Variants in CD226 observed in about 807,000 individuals in gnomAD.
CD226 encodes CD226 molecule.
In CD226, 24 loss-of-function variants were observed where a neutral mutation model predicts 34.9. The observed-to-expected ratio is 0.69, with a 90% confidence interval of 0.50 to 0.97. CD226 has a LOEUF of 0.97. Ranked by LOEUF, CD226 falls within the 50% of genes least tolerant of loss-of-function variation. The probability of loss-of-function intolerance (pLI) is 0.00; values close to 1 mark genes in which losing one functional copy is unlikely to be tolerated. For missense variants in CD226, 397 were observed against 412.7 expected, an observed-to-expected ratio of 0.96 and a Z score of 0.33; for synonymous variants, 148 against 147.4, an observed-to-expected ratio of 1.00 and a Z score of -0.03.
chr18:69,905,266 T>G (rs567654980), intron 2 of CD226, among the ~76,000 whole-genome samples: 1 of 151,590 alleles, frequency 6.6e-6, no homozygotes, highest in South Asian at 2.1e-4. Context: ...CTAGATAGCT[T>G]ATTTTCTGAT....
chr18:69,944,809 A>T (rs868401686), intron 2 of CD226, among the ~76,000 whole-genome samples: 17 of 152,380 alleles, frequency 1.1e-4, no homozygotes, highest in Middle Eastern at 3.4e-3. Context: ...ACAGCAAATG[A>T]GGACTTGTAT....
chr18:69,870,523 C>T (rs1983457359), intron 4 of CD226, among the ~76,000 whole-genome samples: 1 of 152,104 alleles, frequency 6.6e-6, no homozygotes, highest in Non-Finnish European at 1.5e-5. Context: ...GATCCACCCA[C>T]CTCATCCTCC....
intron 2 of CD226, among the ~76,000 whole-genome samples, chr18:69,908,907 T>C (rs1568186676): frequency 6.6e-6 from 1 of 152,260 alleles, no homozygotes; most frequent in Non-Finnish European, 1.5e-5. Flanking sequence ...TTCCACTTCA[T>C]TCCAAGAACA....
intron 2 of CD226, among the ~76,000 whole-genome samples, chr18:69,936,066 A>C (rs2055648913): frequency 6.6e-6 from 1 of 152,202 alleles, no homozygotes; most frequent in Admixed American, 6.5e-5. Context: ...GGAGGTAGAG[A>C]GAAACCCAGG....
upstream of CD226, among the ~76,000 whole-genome samples, chr18:69,951,143 AT>A (rs1264939896): frequency 1.0e-4 from 15 of 148,888 alleles, no homozygotes; most frequent in Non-Finnish European, 1.5e-4. Flanking sequence ...TTTTAAAATT[AT>A]TTTTTTTTTG....
In CD226 at chr18:69,884,420, C is replaced by T. The variant is rs138741807; in HGVS notation, c.728-11174G>A. On this transcript the variant is annotated intron_variant, in intron 3 of 5. Transcript: ENST00000582621. ...GCCCCAGTCTGCCAGTGGATTTCTCCTCCCTCCTTTCTTAGGGTATTGACT... is the reference window on the plus strand; with the variant it reads ...GCCCCAGTCTGCCAGTGGATTTCTCTTCCCTCCTTTCTTAGGGTATTGACT... Among the ~76,000 whole-genome samples, 43 of 152,322 alleles carry T rather than the reference C, an allele frequency of 2.8e-4. No homozygotes were observed. The East Asian group carries it at 7.7e-3, about 27-fold the overall frequency.
At chr18:69,946,268 G>GAAAGAAAGAAAGAGAA (rs2055791353) in intron 2 of CD226, among the ~76,000 whole-genome samples, 1 of 144,636 alleles carries the variant, frequency 6.9e-6, no homozygotes, top group Non-Finnish European at 1.5e-5. Context: ...GAGAGAGAGA[G>GAAAGAAAGAAAGAGAA]AAAGAAAGAA....
intron 1 of CD226, among the ~76,000 whole-genome samples, chr18:69,952,903 G>C (rs2145382008): frequency 6.6e-6 from 1 of 152,152 alleles, no homozygotes; most frequent in Non-Finnish European, 1.5e-5. Flanking sequence ...TAACATAAAA[G>C]AAACAACCCA....
intron 2 of CD226, among the ~76,000 whole-genome samples, chr18:69,924,543 A>C (rs1599013646): frequency 6.6e-6 from 1 of 150,726 alleles, no homozygotes; most frequent in East Asian, 1.9e-4. Flanking sequence ...AGAAACCCCT[A>C]GACTTACAAA....
chr18:69,941,950 C>T (rs1166631083), intron 2 of CD226, among the ~76,000 whole-genome samples: 1 of 152,150 alleles, frequency 6.6e-6, no homozygotes, highest in Non-Finnish European at 1.5e-5. Flanking sequence ...GGGCCAGTCA[C>T]CTTCATGCTG....
intron 2 of CD226, among the ~76,000 whole-genome samples, chr18:69,900,687 G>A (rs762318373): frequency 3.4e-5 from 5 of 145,704 alleles, no homozygotes; most frequent in Non-Finnish European, 4.5e-5. Context: ...AGCCGAGATT[G>A]CGCCACTGCA....
At chr18:69,924,034 TG>T (rs2055489704) in intron 2 of CD226, among the ~76,000 whole-genome samples, 1 of 151,580 alleles carries the variant, frequency 6.6e-6, no homozygotes, top group Admixed American at 6.6e-5. Context: ...TTATCGAGGA[TG>T]GCTTCCACAA....
At chr18:69,952,937 G>C (rs1207474523) in intron 1 of CD226, among the ~76,000 whole-genome samples, 1 of 152,172 alleles carries the variant, frequency 6.6e-6, no homozygotes, top group African/African-American at 2.4e-5. Flanking sequence ...CAAAGTACTT[G>C]AATAGACATT....
At chr18:69,900,547 A>G (rs1307230045) in intron 2 of CD226, among the ~76,000 whole-genome samples, 1 of 151,550 alleles carries the variant, frequency 6.6e-6, no homozygotes, top group African/African-American at 2.4e-5. Context: ...CCTGGCTAAC[A>G]AGGTGAAACC....
At chr18:69,934,279 TACACACACACAC>T (rs760259895) in intron 2 of CD226, among the ~76,000 whole-genome samples, 3 of 73,102 alleles carry the variant, frequency 4.1e-5, no homozygotes, top group South Asian at 6.3e-4. Context: ...ACACAGAGGA[TACACACACACAC>T]ACACACACAC....
At position 69,858,823 on chromosome 18, in the gene CD226, G is replaced by A. The variant is rs180818623; in HGVS notation, c.*5491C>T. ...TGGCTCACTGCAACCTCTGCCTCCC[G>A]GGTTCAAGCGATTCTTCTGCCTCAG... On this transcript the variant is annotated 3_prime_UTR_variant, in exon 6 of 6. Coordinates refer to ENST00000582621, the MANE Select transcript of CD226 (RefSeq NM_001303618.2). 1.2e-4 allele frequency: 17 copies of A among 136,198 alleles called. No individual in the cohort carries two copies. The East Asian group carries it at 2.6e-3, about 21-fold the overall frequency. The allele number at this position is 136,198 out of a possible 1,614,324, so 8.4% of individuals were successfully genotyped here.
At chr18:69,865,950 A>G (rs945081942) in intron 5 of CD226, among the ~76,000 whole-genome samples, 1 of 152,196 alleles carries the variant, frequency 6.6e-6, no homozygotes, top group African/African-American at 2.4e-5. Context: ...CTTAAACCAC[A>G]AACACTTATT....
chr18:69,929,256 G>A (rs1568198356), intron 2 of CD226, among the ~76,000 whole-genome samples: 1 of 152,182 alleles, frequency 6.6e-6, no homozygotes, highest in Non-Finnish European at 1.5e-5. Context: ...AATGAAATGG[G>A]TGTTACAGGC....
chr18:69,890,090 G>A (rs960081525), intron 3 of CD226, among the ~76,000 whole-genome samples: 2 of 151,890 alleles, frequency 1.3e-5, no homozygotes, highest in African/African-American at 4.8e-5. Context: ...AACCTCAAAG[G>A]TTAAACGTTG....
Sources: allele counts gnomAD v4.1 joint callset (sites outside exome capture counted in the v4.1 genomes callset), GRCh38; gene constraint gnomAD v4.1.1; transcripts MANE v1.5; gene names NCBI Gene and HGNC (gene_info 2026-07-23, HGNC 2026-07-21).